Variants in DENND5A observed in about 807,000 individuals in gnomAD.
DENND5A encodes the protein DENN domain-containing protein 5A.
In DENND5A, 64 loss-of-function variants were observed where a neutral mutation model predicts 140.3. That is an observed-to-expected ratio of 0.46 (90% CI 0.37 to 0.56). The LOEUF (loss-of-function observed/expected upper bound fraction) is 0.56. Among genes scored for constraint, DENND5A ranks in the 20% least tolerant of loss-of-function variants. The pLI is 0.00. For missense variants in DENND5A, 1,292 were observed against 1,593.8 expected (o/e 0.81, Z 3.22); for synonymous variants, 605 against 607.7 (o/e 1.00, Z 0.07).
intron 8 of DENND5A, chr11:9,175,308 C>T (rs558128620): frequency 2.6e-5 from 4 of 152,058 alleles, no homozygotes; most frequent in African/African-American, 9.6e-5. Flanking sequence ...CATATAAAAC[C>T]TGTACCCTGA....
intron 13 of DENND5A, among the ~76,000 whole-genome samples, chr11:9,151,072 G>A (rs1280723904): frequency 6.6e-6 from 1 of 152,192 alleles, no homozygotes; most frequent in African/African-American, 2.4e-5. Context: ...ATGTCACCAA[G>A]CAGCAAAGTC....
Position 9,147,186 on chromosome 11 carries a change from C to G in DENND5A, c.2736-35G>C, listed in dbSNP as rs200990579. 2.2e-4 allele frequency: 351 copies of G among 1,604,822 alleles called. 2 individuals carry two copies. The highest frequency in any genetic ancestry group is 1.5e-3 in the Middle Eastern group (9 of 6,008). ...AGGAGGTAATACATCAGTCTCCGAC[C>G]AAAAGGAAGGGAAAGAAACTAGAAT... is the stretch of plus-strand genomic sequence containing the variant. On this transcript the variant is annotated intron_variant, in intron 15 of 22. Transcript: ENST00000328194.
Position 9,194,292 on chromosome 11 carries a change from T to C in DENND5A, c.950-611A>G, listed in dbSNP as rs181608792. Among the ~76,000 whole-genome samples, 504 of 152,282 alleles carry C rather than the reference T, an allele frequency of 3.3e-3. 4 individuals are homozygous for C. The highest frequency in any genetic ancestry group is 5.3e-3 in the Non-Finnish European group (363 of 68,016). On this transcript the variant is annotated intron_variant, in intron 4 of 22. Coordinates refer to ENST00000328194, the MANE Select transcript of DENND5A (RefSeq NM_015213.4). ...AAAAAGCTTCCCTAGAGGCTGGGCA[T>C]GGTGGCTCACGCCTGTAATGCCAGC...
intron 11 of DENND5A, among the ~76,000 whole-genome samples, chr11:9,164,904 C>T (rs779121231): frequency 2.0e-5 from 3 of 152,184 alleles, no homozygotes; most frequent in Non-Finnish European, 2.9e-5. Context: ...GTAGGAGGTT[C>T]ACTTAAGCCC....
At chr11:9,252,377 A>G (rs1447264847) in intron 1 of DENND5A, among the ~76,000 whole-genome samples, 1 of 151,664 alleles carries the variant, frequency 6.6e-6, no homozygotes, top group Non-Finnish European at 1.5e-5. Context: ...GGCCAGGTGC[A>G]GTGGCTCATG....
At chr11:9,149,172 C>A (rs1315852525) in intron 15 of DENND5A, among the ~76,000 whole-genome samples, 2 of 152,142 alleles carry the variant, frequency 1.3e-5, no homozygotes, top group Non-Finnish European at 2.9e-5. Context: ...GAATACACAG[C>A]CCCCATGAAT....
In DENND5A at chr11:9,223,994, C is replaced by A. The variant is rs561709211; in HGVS notation, c.110-16362G>T. Among the ~76,000 whole-genome samples, 54 of 152,018 alleles carry A rather than the reference C, an allele frequency of 3.6e-4. 1 individual carries two copies. The highest frequency in any genetic ancestry group is 3.4e-3 in the Middle Eastern group (1 of 294). On this transcript the variant is annotated intron_variant, in intron 1 of 22. Coordinates refer to ENST00000328194, the MANE Select transcript of DENND5A (RefSeq NM_015213.4). ...ATCACCTGAGGTCAGGAGTTCAAGA[C>A]CAGCCTGGCCAACATGGCAAAACCC...
chr11:9,189,984 G>A (rs544502698), intron 5 of DENND5A, among the ~76,000 whole-genome samples: 17 of 152,284 alleles, frequency 1.1e-4, no homozygotes, highest in East Asian at 3.9e-4. Flanking sequence ...CGTGAGACAC[G>A]GAGTCAAAGG....
intron 13 of DENND5A, among the ~76,000 whole-genome samples, chr11:9,151,927 C>T (rs1847627525): frequency 6.6e-6 from 1 of 152,188 alleles, no homozygotes; most frequent in Non-Finnish European, 1.5e-5. Context: ...TATAAGGGAT[C>T]ATTCACACCA....
At chr11:9,251,469 G>A (rs1851716936) in intron 1 of DENND5A, among the ~76,000 whole-genome samples, 1 of 152,020 alleles carries the variant, frequency 6.6e-6, no homozygotes, top group Non-Finnish European at 1.5e-5. Context: ...GAAACACAAC[G>A]GTCTAAACTA....
At chr11:9,197,745 C>A (rs1849381759) in intron 4 of DENND5A, among the ~76,000 whole-genome samples, 1 of 151,980 alleles carries the variant, frequency 6.6e-6, no homozygotes, top group African/African-American at 2.4e-5. Context: ...ATTATTTGTG[C>A]ACATATTATT....
chr11:9,190,857 G>A (rs946303706), intron 5 of DENND5A, among the ~76,000 whole-genome samples: 5 of 152,066 alleles, frequency 3.3e-5, no homozygotes, highest in African/African-American at 1.2e-4. Flanking sequence ...ACACCCCAAA[G>A]TCGTCTTTCA....
chr11:9,216,461 G>C (rs1012560636), intron 1 of DENND5A, among the ~76,000 whole-genome samples: 1 of 152,226 alleles, frequency 6.6e-6, no homozygotes, highest in African/African-American at 2.4e-5. Flanking sequence ...CAACATTTTA[G>C]AAGCTGAAAA....
At chr11:9,211,569 C>T (rs2136222271) in intron 1 of DENND5A, among the ~76,000 whole-genome samples, 1 of 152,206 alleles carries the variant, frequency 6.6e-6, no homozygotes, top group East Asian at 1.9e-4. Flanking sequence ...CAGAAACCAA[C>T]CCTGAGTTTA....
chr11:9,210,865 T>A (rs1849854490), intron 1 of DENND5A, among the ~76,000 whole-genome samples: 1 of 152,188 alleles, frequency 6.6e-6, no homozygotes, highest in South Asian at 2.1e-4. Flanking sequence ...ATAGGGAGGA[T>A]AATATAAAGA....
At chr11:9,227,431 CG>C (rs1486256673) in intron 1 of DENND5A, among the ~76,000 whole-genome samples, 2 of 152,078 alleles carry the variant, frequency 1.3e-5, no homozygotes, top group African/African-American at 4.8e-5. Context: ...ACTCCTGGAA[CG>C]CATGAGCACA....
In DENND5A at chr11:9,243,096, AAAAAAAAAC is replaced by A. The variant is rs1368776994; in HGVS notation, c.109+21856_109+21864del. 3.6e-5 allele frequency among the ~76,000 whole-genome samples: 5 copies of A among 138,286 alleles called. No individual in the cohort carries two copies. In the East Asian group the frequency reaches 7.8e-4, roughly 22 times the overall value. 90.7% of individuals were successfully genotyped at this position (138,286 alleles called of 152,430 possible). ...CAGCGAGACTCTGTCTCAAAAAAAA[AAAAAAAAAC>A]AAAAAAAAAAACTGAGGCGAGTAAG... On this transcript the variant is annotated intron_variant, in intron 1 of 22. Transcript: ENST00000328194.
At chr11:9,152,311 G>T in intron 13 of DENND5A, 47 bp downstream of exon 13, 1 of 1,385,430 alleles carries the variant, frequency 7.2e-7, no homozygotes, top group Non-Finnish European at 1.0e-6. Flanking sequence ...AGTGGGTGAT[G>T]GAAAAGTGGA....
chr11:9,229,715 G>A (rs1338050298), intron 1 of DENND5A, among the ~76,000 whole-genome samples: 1 of 152,046 alleles, frequency 6.6e-6, no homozygotes, highest in Non-Finnish European at 1.5e-5. Flanking sequence ...CAGAGTCCAA[G>A]AAGAATCTGA....
Sources: gnomAD v4.1 joint callset for allele counts (sites outside exome capture counted in the v4.1 genomes callset) on GRCh38, gnomAD v4.1.1 for gene constraint, MANE v1.5 for transcripts, NCBI Gene and HGNC (gene_info 2026-07-23, HGNC 2026-07-21) for gene names.